Variants in JAK2 observed in about 807,000 individuals in gnomAD.
JAK2 encodes the protein tyrosine-protein kinase JAK2.
A neutral mutation model predicts 139.3 loss-of-function variants in JAK2; 86 were observed. That is an observed-to-expected ratio of 0.62 (90% CI 0.52 to 0.74). The LOEUF (loss-of-function observed/expected upper bound fraction) is 0.74, where lower values mean the gene tolerates loss of function less well. JAK2 is among the 30% of genes least tolerant of loss of function. The pLI, the probability that JAK2 is intolerant of heterozygous loss-of-function variation, is 0.00. For synonymous variants in JAK2, 490 were observed against 437.7 expected (o/e 1.12, Z -1.49); for missense variants, 1,421 against 1,360.3 (o/e 1.04, Z -0.70).
At chr9:5,052,483 GT>G (rs1326394917) in intron 6 of JAK2, among the ~76,000 whole-genome samples, 5 of 151,932 alleles carry the variant, frequency 3.3e-5, no homozygotes, top group Non-Finnish European at 7.4e-5. Context: ...TTTTAAAAGA[GT>G]TTATTGAGAT....
chr9:5,082,839 C>A (rs73395330), intron 19 of JAK2, among the ~76,000 whole-genome samples: 1 of 152,054 alleles, frequency 6.6e-6, no homozygotes, highest in Non-Finnish European at 1.5e-5. Context: ...TGATTCCATA[C>A]AACACATATT....
In JAK2 at chr9:5,000,856, G is replaced by A. The variant is rs77692052; in HGVS notation, c.-26+14834G>A. Among the ~76,000 whole-genome samples, 63 of 152,262 alleles carry A rather than the reference G, an allele frequency of 4.1e-4. No individual in the cohort carries two copies. The East Asian group carries it at 5.2e-3, about 13-fold the overall frequency. On this transcript the variant is annotated intron_variant, in intron 2 of 24. Transcript: ENST00000381652. ...AAATATCAGGTAAGAACTTGATAAC[G>A]TATTGGTTGGTTTGCATATGAAAAG...
chr9:5,058,240 C>G (rs1486054398), intron 8 of JAK2, among the ~76,000 whole-genome samples: 3 of 152,152 alleles, frequency 2.0e-5, no homozygotes, highest in Non-Finnish European at 4.4e-5. Context: ...TATAAAGATA[C>G]TACCTGGGAC....
intron 18 of JAK2, among the ~76,000 whole-genome samples, chr9:5,081,480 A>G (rs1049335087): frequency 1.3e-5 from 2 of 152,192 alleles, no homozygotes; most frequent in African/African-American, 4.8e-5. Flanking sequence ...ACCTTACTTT[A>G]TGAATACTAA....
intron 22 of JAK2, chr9:5,110,716 A>G (rs1822408234): frequency 2.9e-6 from 1 of 347,520 alleles, no homozygotes; most frequent in African/African-American, 2.1e-5. Flanking sequence ...CACCTCCTTA[A>G]CTGCTGGCTA....
chr9:5,126,626 C>A, intron 24 of JAK2, 58 bp from the exon 25 acceptor site: 2 of 1,216,970 alleles, frequency 1.6e-6, no homozygotes, highest in Non-Finnish European at 2.4e-6. Context: ...ATGTCTTCCA[C>A]CAATTAAAAG....
intron 22 of JAK2, chr9:5,113,684 G>A (rs1822862736): frequency 6.1e-6 from 1 of 165,188 alleles, no homozygotes; most frequent in East Asian, 1.9e-4. Flanking sequence ...CTGGGACACA[G>A]GCTCCCTCAA....
chr9:5,122,813 G>A (rs1241131176), intron 22 of JAK2, among the ~76,000 whole-genome samples, 191 bp from the exon 23 acceptor site: 1 of 151,546 alleles, frequency 6.6e-6, no homozygotes, highest in African/African-American at 2.4e-5. Flanking sequence ...GGGAATTGTG[G>A]AATCCCTCCT....
At chr9:4,986,809 T>G (rs566628112) in intron 2 of JAK2, among the ~76,000 whole-genome samples, 1 of 152,164 alleles carries the variant, frequency 6.6e-6, no homozygotes, top group Admixed American at 6.5e-5. Context: ...CACTAAGTCA[T>G]TTGCAATATT....
Position 5,117,764 on chromosome 9 carries a change from C to G in JAK2, c.3060-5240C>G, listed in dbSNP as rs373617221. Among the ~76,000 whole-genome samples the G allele has an allele frequency of 3.4e-4, 51 of 151,856 alleles. 1 individual carries two copies. In the South Asian group the frequency reaches 0.011, roughly 32 times the overall value. The stretch of plus-strand genomic sequence containing the variant: ...ACAGAAACAAAAGTTTTTTGGCAAC[C>G]TCAGTAATTTTTAAGAGTATACGAG... On this transcript the variant is annotated intron_variant, in intron 22 of 24. Coordinates refer to ENST00000381652, the MANE Select transcript of JAK2 (RefSeq NM_004972.4).
intron 22 of JAK2, among the ~76,000 whole-genome samples, chr9:5,095,666 C>G (rs1038765501): frequency 6.6e-6 from 1 of 152,096 alleles, no homozygotes; most frequent in Admixed American, 6.5e-5. Context: ...ATTTTCCCAT[C>G]AATAAACACG....
At chr9:5,078,783 A>G (rs2130594827) in intron 16 of JAK2, among the ~76,000 whole-genome samples, 1 of 152,284 alleles carries the variant, frequency 6.6e-6, no homozygotes, top group African/African-American at 2.4e-5. Flanking sequence ...TCTCGTCACT[A>G]AATAAAAATT....
intron 22 of JAK2, among the ~76,000 whole-genome samples, chr9:5,105,531 C>T (rs749931515): frequency 1.3e-5 from 2 of 152,186 alleles, no homozygotes; most frequent in East Asian, 3.8e-4. Context: ...ATCAAGCTAC[C>T]AATGACTTTT....
In JAK2 at chr9:5,070,773, G is replaced by T. The variant is rs1169840922; in HGVS notation, c.1641+721G>T. Among the ~76,000 whole-genome samples, 3 of 151,876 alleles carry T rather than the reference G, an allele frequency of 2.0e-5. No homozygotes were observed. The East Asian group carries it at 5.8e-4, about 29-fold the overall frequency. ...CAGTCCAAACCCATGCTGTTCAAGG[G>T]TCAACTGTAGTACATAAGATCTGAT... is the stretch of plus-strand genomic sequence containing the variant. On this transcript the variant is annotated intron_variant, in intron 12 of 24. Transcript: ENST00000381652.
intron 10 of JAK2, among the ~76,000 whole-genome samples, chr9:5,068,473 CAGT>C (rs1446652085): frequency 6.6e-6 from 1 of 152,184 alleles, no homozygotes; most frequent in Non-Finnish European, 1.5e-5. Flanking sequence ...CTCTTAGAAA[CAGT>C]GGTACTTGAA....
At chr9:5,077,251 A>G (rs1819368025) in intron 14 of JAK2, among the ~76,000 whole-genome samples, 1 of 150,230 alleles carries the variant, frequency 6.7e-6, no homozygotes, top group Non-Finnish European at 1.5e-5. Context: ...AATTGTTTAG[A>G]CTCCTACTCT....
rs1824049881 is a variant in JAK2 at position 5,127,130 on chromosome 9, A to G, written c.*339A>G. 4 of 268,402 alleles carry G rather than the reference A, an allele frequency of 1.5e-5. No homozygotes were observed. The highest frequency in any genetic ancestry group is 4.4e-5 in the African/African-American group (2 of 45,580). The allele number at this position is 268,402 out of a possible 1,614,324, so 16.6% of individuals were successfully genotyped here. A position where few individuals can be genotyped will look rare whatever the true frequency, so the allele number is the denominator to read the frequency against. The stretch of plus-strand genomic sequence containing the variant: ...AAAAAATTATTATGTAAATTTTGCA[A>G]TGTTAAAGATGCACAGAATATGTAT... On this transcript the variant is annotated 3_prime_UTR_variant, in exon 25 of 25. Transcript: ENST00000381652.
chr9:5,042,476 C>T (rs1816662296), intron 4 of JAK2, among the ~76,000 whole-genome samples: 1 of 152,204 alleles, frequency 6.6e-6, no homozygotes, highest in African/African-American at 2.4e-5. Context: ...CTAGTCCTCC[C>T]CTCCAAGAGC....
At chr9:5,035,870 G>C (rs1823559003) in intron 4 of JAK2, among the ~76,000 whole-genome samples, 1 of 152,348 alleles carries the variant, frequency 6.6e-6, no homozygotes, top group South Asian at 2.1e-4. Context: ...AGTGTTGGAA[G>C]TTCTGGCCAG....
Sources: allele counts gnomAD v4.1 joint callset (sites outside exome capture counted in the v4.1 genomes callset), GRCh38; gene constraint gnomAD v4.1.1; transcripts MANE v1.5; gene names NCBI Gene and HGNC (gene_info 2026-07-23, HGNC 2026-07-21).